Variants in RDX observed in about 807,000 individuals in gnomAD.
The protein encoded by RDX is deafness, autosomal recessive 24.
In RDX, 32 loss-of-function variants were observed where a neutral mutation model predicts 83.7. The ratio of observed to expected loss-of-function variants is 0.38; its 90% CI spans 0.29 to 0.51. RDX has a LOEUF of 0.51. RDX is among the 20% of genes least tolerant of loss of function. RDX has a pLI of 0.87. For synonymous variants in RDX, 229 were observed against 222.7 expected (o/e 1.03, Z -0.25); for missense variants, 600 against 689.9 (o/e 0.87, Z 1.46).
intron 14 of RDX, among the ~76,000 whole-genome samples, chr11:110,207,301 T>C (rs937789633): frequency 6.6e-6 from 1 of 152,128 alleles, no homozygotes; most frequent in Non-Finnish European, 1.5e-5. Context: ...AGCAGCTGCA[T>C]AGATCTACTG....
chr11:110,235,205 T>C (rs1864795190), intron 12 of RDX, among the ~76,000 whole-genome samples: 1 of 152,116 alleles, frequency 6.6e-6, no homozygotes, highest in Non-Finnish European at 1.5e-5. Context: ...ATAAAAATGA[T>C]GGTGCATGCC....
At chr11:110,237,452 T>C (rs1176278132) in intron 11 of RDX, 40 bp downstream of exon 11, 1 of 1,603,548 alleles carries the variant, frequency 6.2e-7, no homozygotes, top group Non-Finnish European at 8.5e-7. Flanking sequence ...CACTCTATGC[T>C]TTTATTTAAA....
At chr11:110,185,732 GCTTT>G (rs1179952715) in intron 15 of RDX, 1 of 152,272 alleles carries the variant, frequency 6.6e-6, no homozygotes, top group Non-Finnish European at 1.5e-5. Flanking sequence ...TGGCGACTGG[GCTTT>G]CTAATACTGA....
intron 1 of RDX, among the ~76,000 whole-genome samples, chr11:110,288,880 T>TAAAATGACC (rs1861096503): frequency 6.6e-6 from 1 of 152,102 alleles, no homozygotes; most frequent in Non-Finnish European, 1.5e-5. Flanking sequence ...TTTTATGTTG[T>TAAAATGACC]AAAATGACCA....
chr11:110,188,282 G>A (rs1393901645), intron 15 of RDX, among the ~76,000 whole-genome samples: 3 of 147,754 alleles, frequency 2.0e-5, no homozygotes, highest in South Asian at 2.2e-4. Flanking sequence ...CAACAAGAGC[G>A]AGACTCTGTC....
In RDX at chr11:110,264,023, C is replaced by T. The variant is rs1424460559; in HGVS notation, c.404G>A (p.Gly135Glu). 1 of 1,613,504 alleles carries T rather than the reference C, an allele frequency of 6.2e-7. No homozygotes were observed. The highest frequency in any genetic ancestry group is 1.3e-5 in the African/African-American group (1 of 74,902). ...LASYAVQAKY[G>E]DYNKEIHKPG... is the part of the protein sequence containing the mutation. ...CTTATGAATCTCTTTATTGTAATCT[C>T]CATACTTGGCTTGGACAGCATAGGA... The change falls in exon 5 of 14, where the codon GGA (glycine) becomes GAA (glutamate). Residue 135 changes from glycine (G) to glutamate (E), a missense_variant. Physicochemically the swap from Gly to Glu is moderately conservative, Grantham distance 98. Coordinates refer to ENST00000645495, the MANE Select transcript of RDX (RefSeq NM_002906.4).
intron 2 of RDX, among the ~76,000 whole-genome samples, chr11:110,274,431 A>G (rs1403362118): frequency 1.3e-5 from 2 of 152,164 alleles, no homozygotes; most frequent in Non-Finnish European, 1.5e-5. Flanking sequence ...TAACTGCACG[A>G]TATTTGTTGA....
At chr11:110,259,990 T>C (rs942198009) in intron 5 of RDX, among the ~76,000 whole-genome samples, 1 of 152,036 alleles carries the variant, frequency 6.6e-6, no homozygotes. Flanking sequence ...TGTTCTTCTT[T>C]TTTTTTTTTT....
At chr11:110,264,684 G>A in intron 4 of RDX, 95 bp downstream of exon 4, 1 of 837,638 alleles carries the variant, frequency 1.2e-6, no homozygotes, top group Non-Finnish European at 1.9e-6. Flanking sequence ...ACTACAAAAG[G>A]AAGCTTGCAA....
intron 9 of RDX, among the ~76,000 whole-genome samples, chr11:110,248,431 ATTAC>A (rs1488382860): frequency 6.6e-6 from 1 of 152,152 alleles, no homozygotes. Context: ...GTTCCAATGT[ATTAC>A]TTATTGTGGG....
chr11:110,279,842 A>G (rs1481562812), intron 1 of RDX, 86 bp from the exon 2 acceptor site: 3 of 576,600 alleles, frequency 5.2e-6, no homozygotes, highest in African/African-American at 1.9e-5. Flanking sequence ...ATAAATTAAA[A>G]TATTTGAAAA....
rs146699653 is a variant in RDX at position 110,245,152 on chromosome 11, G to A, written c.1090+2551C>T. On this transcript the variant is annotated intron_variant, in intron 10 of 13. Coordinates refer to ENST00000645495, the MANE Select transcript of RDX (RefSeq NM_002906.4). Reference sequence around the variant, plus strand: ...TTTTGGTGGAGATTTACACTCCACCGTGTTGGCCAGGCTGGTCTTAAACTC... The same window carrying A: ...TTTTGGTGGAGATTTACACTCCACCATGTTGGCCAGGCTGGTCTTAAACTC... 2.5e-3 allele frequency among the ~76,000 whole-genome samples: 381 copies of A among 152,074 alleles called. 3 individuals carry two copies. The highest frequency in any genetic ancestry group is 8.7e-3 in the African/African-American group (361 of 41,500).
intron 14 of RDX, among the ~76,000 whole-genome samples, chr11:110,220,359 G>C (rs1425246031): frequency 3.3e-5 from 5 of 152,130 alleles, no homozygotes; most frequent in Non-Finnish European, 5.9e-5. Flanking sequence ...AAGATTAATA[G>C]TGTTACTTCT....
At chr11:110,194,834 G>A (rs1863169649) in intron 15 of RDX, among the ~76,000 whole-genome samples, 1 of 152,188 alleles carries the variant, frequency 6.6e-6, no homozygotes, top group African/African-American at 2.4e-5. Flanking sequence ...GTGACAGATG[G>A]AAAATCCTAT....
intron 14 of RDX, among the ~76,000 whole-genome samples, chr11:110,224,044 AAAG>A (rs1864348649): frequency 6.6e-6 from 1 of 152,154 alleles, no homozygotes; most frequent in Non-Finnish European, 1.5e-5. Flanking sequence ...AAAAAAAAGA[AAAG>A]AAAGAAATCT....
At chr11:110,274,801 CAA>C (rs1340537791) in intron 2 of RDX, among the ~76,000 whole-genome samples, 1 of 151,972 alleles carries the variant, frequency 6.6e-6, no homozygotes, top group African/African-American at 2.4e-5. Context: ...TGTGGCCAAA[CAA>C]ACATTTACTC....
chr11:110,295,823 A>G (rs2134466443), intron 1 of RDX, among the ~76,000 whole-genome samples: 1 of 152,356 alleles, frequency 6.6e-6, no homozygotes, highest in Non-Finnish European at 1.5e-5. Flanking sequence ...GAGCTGCAAC[A>G]GCAGCAGGTA....
At chr11:110,257,289 A>T (rs1859584505) in intron 7 of RDX, among the ~76,000 whole-genome samples, 1 of 151,974 alleles carries the variant, frequency 6.6e-6, no homozygotes, top group African/African-American at 2.4e-5. Context: ...CTATTGTATT[A>T]ATGTCCAAAC....
At chr11:110,226,247 A>G (rs559134409), downstream of RDX, among the ~76,000 whole-genome samples, 9 of 152,322 alleles carry the variant, frequency 5.9e-5, no homozygotes, top group African/African-American at 2.2e-4. Context: ...TCAATAACAG[A>G]TAAATGGATA....
Sources: gnomAD v4.1 joint callset for allele counts (sites outside exome capture counted in the v4.1 genomes callset) on GRCh38, gnomAD v4.1.1 for gene constraint, MANE v1.5 for transcripts, NCBI Gene and HGNC (gene_info 2026-07-23, HGNC 2026-07-21) for gene names.